The following CACNA2D4 variants were observed in gnomAD, a reference collection of about 807,000 sequenced individuals.
The protein encoded by CACNA2D4 is calcium voltage-gated channel auxiliary subunit alpha2delta 4, also known as voltage-dependent calcium channel subunit alpha-2/delta-4.
In CACNA2D4, 157 loss-of-function variants were observed where a neutral mutation model predicts 163.8. The ratio of observed to expected loss-of-function variants is 0.96; its 90% CI spans 0.84 to 1.09. The LOEUF (loss-of-function observed/expected upper bound fraction) is 1.09, where lower values mean the gene tolerates loss of function less well. Ranked by LOEUF, CACNA2D4 falls within the 50% of genes least tolerant of loss-of-function variation. CACNA2D4 has a pLI of 0.00. For synonymous variants in CACNA2D4, 598 were observed against 586.9 expected (o/e 1.02, Z -0.27); for missense variants, 1,410 against 1,479.9 (o/e 0.95, Z 0.78).
intron 26 of CACNA2D4, among the ~76,000 whole-genome samples, chr12:1,838,227 G>A (rs2154447540): frequency 6.6e-6 from 1 of 152,224 alleles, no homozygotes; most frequent in East Asian, 1.9e-4. Flanking sequence ...CCCTCTGTGT[G>A]AGCCGGTGGT....
At chr12:1,855,786 T>C (rs144260590) in intron 22 of CACNA2D4, among the ~76,000 whole-genome samples, 131 of 152,346 alleles carry the variant, frequency 8.6e-4, no homozygotes, top group African/African-American at 2.9e-3. Context: ...TGGGGATCCA[T>C]ACATGTTACC....
chr12:1,856,268 C>T lies in CACNA2D4; in HGVS notation c.2009-39G>A. 1.9e-6 allele frequency: 3 copies of T among 1,603,400 alleles called. No homozygotes were observed. In the South Asian group the frequency reaches 3.3e-5, roughly 18 times the overall value. On this transcript the variant is annotated intron_variant, in intron 20 of 37. Transcript: ENST00000382722. ...CCACATTCAGGGTGATGCTCCCTCA[C>T]TGCCATGAGGGTGTGTGTCTCAATT...
In CACNA2D4 at chr12:1,799,857, G is replaced by C. The variant is rs1863250199; in HGVS notation, c.2974+143C>G. On this transcript the variant is annotated intron_variant, in intron 33 of 37. Coordinates refer to ENST00000382722, the MANE Select transcript of CACNA2D4 (RefSeq NM_172364.5). The surrounding 1 kb of genome is among the most constrained non-coding windows in gnomAD (Gnocchi z 4.7). ...AGGAGTGAGGGATGTGATGAGAGAA[G>C]GCCACGCAGGGTGAGATGTGAACAA... is the stretch of plus-strand genomic sequence containing the variant. 3.2e-6 allele frequency: 4 copies of C among 1,249,490 alleles called. No individual in the cohort carries two copies. The highest frequency in any genetic ancestry group is 4.6e-6 in the Non-Finnish European group (4 of 879,086). 77.4% of individuals were successfully genotyped at this position (1,249,490 alleles called of 1,614,324 possible).
rs375467584 is a variant in CACNA2D4 at position 1,907,860 on chromosome 12, G to A, written c.649+15C>T. 6.2e-7 allele frequency: 1 copy of A among 1,613,864 alleles called. No homozygotes were observed. On this transcript the variant is annotated intron_variant, in intron 5 of 37. Coordinates refer to ENST00000382722, the MANE Select transcript of CACNA2D4 (RefSeq NM_172364.5). ...CGTGCCTGGTGAGTGTGCCTGAGCTGAGCGTGCCGGCTACCTTTGTTGTAC... is the reference window on the plus strand; with the variant it reads ...CGTGCCTGGTGAGTGTGCCTGAGCTAAGCGTGCCGGCTACCTTTGTTGTAC...
At position 1,883,022 on chromosome 12, in the gene CACNA2D4, G is replaced by A. The variant is rs369973112; in HGVS notation, c.1352-22C>T. 3.1e-6 allele frequency: 5 copies of A among 1,606,036 alleles called. No individual in the cohort carries two copies. The African/African-American group carries it at 4.0e-5, about 13-fold the overall frequency. ...TAGCCTGCGGTGGGGAAGGCCGCGT[G>A]GGTGTGGAAGGCAGGGCTTCCCTGG... On this transcript the variant is annotated intron_variant, in intron 12 of 37. Transcript: ENST00000382722. This position sits in a 1 kb window ranked among gnomAD's most constrained non-coding sequence, Gnocchi z 4.5.
At chr12:1,886,932 T>A in intron 7 of CACNA2D4, 77 bp downstream of exon 7, 1 of 982,554 alleles carries the variant, frequency 1.0e-6, no homozygotes, top group East Asian at 2.7e-5. Context: ...GGGGCGGAAG[T>A]GGAGGAGGAT....
At chr12:1,797,323 C>A in intron 35 of CACNA2D4, 95 bp downstream of exon 35, 1 of 899,156 alleles carries the variant, frequency 1.1e-6, no homozygotes, top group Admixed American at 2.0e-5. Flanking sequence ...GCTGTGGAGC[C>A]GTTTCCCGGG....
intron 6 of CACNA2D4, among the ~76,000 whole-genome samples, chr12:1,898,374 C>A (rs1306424960): frequency 9.1e-6 from 1 of 109,616 alleles, no homozygotes; most frequent in Non-Finnish European, 1.9e-5. Context: ...TCCTATGACT[C>A]AACAACAACA....
At chr12:1,858,245 T>C (rs1182425780) in intron 20 of CACNA2D4, among the ~76,000 whole-genome samples, 1 of 152,242 alleles carries the variant, frequency 6.6e-6, no homozygotes, top group Non-Finnish European at 1.5e-5. Context: ...TGCAGTCACC[T>C]GGCAGGGAAA....
At position 1,834,067 on chromosome 12, in the gene CACNA2D4, C is replaced by A. The variant is rs1008180203; in HGVS notation, c.2551+6672G>T. ...TGCGAGGATGAAATGGCACGATATA[C>A]GTAACTCACTGTGGACTTGGCTCAA... is the stretch of plus-strand genomic sequence containing the variant. On this transcript the variant is annotated intron_variant, in intron 26 of 37. Coordinates refer to ENST00000382722, the MANE Select transcript of CACNA2D4 (RefSeq NM_172364.5). The surrounding 1 kb of genome is among the most constrained non-coding windows in gnomAD (Gnocchi z 7.6). Among the ~76,000 whole-genome samples the A allele has an allele frequency of 6.6e-6, 1 of 152,222 alleles. No homozygotes were observed. The highest frequency in any genetic ancestry group is 2.4e-5 in the African/African-American group (1 of 41,448).
Position 1,909,947 on chromosome 12 carries a change from C to G in CACNA2D4, c.445G>C (p.Glu149Gln), listed in dbSNP as rs756285159. The G allele has an allele frequency of 6.2e-7, 1 of 1,613,760 alleles. No homozygotes were observed. The highest frequency in any genetic ancestry group is 8.5e-7 in the Non-Finnish European group (1 of 1,179,776). ...AATTCGTGGTTCAGGTCGGCCTCCT[C>G]GGCAGCTTCCACCAGATTCTGAGGG... ...EAVQNLVEAA[E>Q]EADLNHEFNE... The change falls in exon 4 of 38, where the codon GAG becomes CAG. Residue 149 changes from glutamate (E) to glutamine (Q), a missense_variant. Transcript: ENST00000382722.
At chr12:1,848,847 A>G (rs1365663669) in intron 23 of CACNA2D4, among the ~76,000 whole-genome samples, 4 of 152,040 alleles carry the variant, frequency 2.6e-5, no homozygotes, top group African/African-American at 9.7e-5. Flanking sequence ...GGCTCAAACG[A>G]TCCTCTCGCC....
intron 1 of CACNA2D4, among the ~76,000 whole-genome samples, chr12:1,916,780 G>C (rs1866993086): frequency 1.3e-5 from 2 of 152,240 alleles, no homozygotes; most frequent in African/African-American, 4.8e-5. Flanking sequence ...ACAGACTTGG[G>C]AGGAGGTGGA....
intron 1 of CACNA2D4, 41 bp downstream of exon 1, chr12:1,918,206 G>A (rs1449752894): frequency 6.8e-7 from 1 of 1,460,360 alleles, no homozygotes; most frequent in East Asian, 2.4e-5. Context: ...AGTGGGAAAG[G>A]GTGACCGGGT....
At chr12:1,908,140 C>G in intron 4 of CACNA2D4, 103 bp from the exon 5 acceptor site, 4 of 1,233,620 alleles carry the variant, frequency 3.2e-6, no homozygotes, top group Non-Finnish European at 4.5e-6. Flanking sequence ...GGGCCGGGGC[C>G]GGGCGGCCAT....
At chr12:1,914,592 G>A (rs1220200136) in intron 2 of CACNA2D4, among the ~76,000 whole-genome samples, 1 of 152,134 alleles carries the variant, frequency 6.6e-6, no homozygotes, top group Admixed American at 6.5e-5. Flanking sequence ...CCTCCACCCA[G>A]TACATCTGCA....
intron 26 of CACNA2D4, among the ~76,000 whole-genome samples, chr12:1,814,262 G>A (rs1863805897): frequency 6.6e-6 from 1 of 152,146 alleles, no homozygotes; most frequent in African/African-American, 2.4e-5. Flanking sequence ...GGAGAGGGTG[G>A]GGGTGTAGGT....
rs1565734791 is a variant in CACNA2D4 at position 1,896,651 on chromosome 12, ACAC to A, written c.782-9585_782-9583del. Among the ~76,000 whole-genome samples, 18 of 142,878 alleles carry A rather than the reference ACAC, an allele frequency of 1.3e-4. No homozygotes were observed. In the East Asian group the frequency reaches 1.5e-3, roughly 12 times the overall value. 93.7% of individuals were successfully genotyped at this position (142,878 alleles called of 152,430 possible). ...CACACACACACACACACACACACAC[ACAC>A]AAAACAGATGCTAGCAAGGATGCAG... On this transcript the variant is annotated intron_variant, in intron 6 of 37. Coordinates refer to ENST00000382722, the MANE Select transcript of CACNA2D4 (RefSeq NM_172364.5).
chr12:1,843,765 TTGGG>T lies in CACNA2D4; in HGVS notation c.2470+633_2470+636del, dbSNP rs761556608. ...AATGGGGGCTGGGGCTGGCTGGCAGTTGGGTGCCCATCAACTCTGAGAGTCTTCC... is the reference window on the plus strand; with the variant it reads ...AATGGGGGCTGGGGCTGGCTGGCAGTTGCCCATCAACTCTGAGAGTCTTCC... On this transcript the variant is annotated intron_variant, in intron 25 of 37. Transcript: ENST00000382722. This position sits in a 1 kb window ranked among gnomAD's most constrained non-coding sequence, Gnocchi z 4.6. Among the ~76,000 whole-genome samples the T allele has an allele frequency of 1.3e-5, 2 of 152,154 alleles. No homozygotes were observed. The highest frequency in any genetic ancestry group is 2.4e-5 in the African/African-American group (1 of 41,428).
Sources: gnomAD v4.1 joint callset for allele counts (sites outside exome capture counted in the v4.1 genomes callset) on GRCh38, gnomAD v4.1.1 for gene constraint, Gnocchi (gnomAD v3.1) non-coding constraint, MANE v1.5 for transcripts, NCBI Gene and HGNC (gene_info 2026-07-23, HGNC 2026-07-21) for gene names.